Variants in SLC24A2 observed in about 807,000 individuals in gnomAD.
SLC24A2 encodes the protein sodium/potassium/calcium exchanger 2.
In SLC24A2, 36 loss-of-function variants were observed where a neutral mutation model predicts 62.0. The observed-to-expected ratio is 0.58, with a 90% CI of 0.44 to 0.77. The LOEUF (loss-of-function observed/expected upper bound fraction) is 0.77, where lower values mean the gene tolerates loss of function less well. Ranked by LOEUF, SLC24A2 falls within the 30% of genes least tolerant of loss-of-function variation. SLC24A2 has a pLI of 0.00. For missense variants in SLC24A2, 846 were observed against 817.9 expected, an observed-to-expected ratio of 1.03 and a Z score of -0.42; for synonymous variants, 358 against 294.0, an observed-to-expected ratio of 1.22 and a Z score of -2.23.
intron 7 of SLC24A2, among the ~76,000 whole-genome samples, chr9:19,554,643 G>A (rs1834994084): frequency 6.6e-6 from 1 of 152,220 alleles, no homozygotes. Flanking sequence ...GCCAAAGGAT[G>A]TATTGGAAGT....
chr9:19,732,102 C>G (rs1182655), intron 2 of SLC24A2, among the ~76,000 whole-genome samples: 84,193 of 141,048 alleles, frequency 0.6, 23,547 homozygotes, highest in East Asian at 0.85. Flanking sequence ...TTAAAGAACT[C>G]CTTGTTTTGT....
chr9:20,204,991 T>C, the SLC24A2 span, among the ~76,000 whole-genome samples: 1 of 152,014 alleles, frequency 6.6e-6, no homozygotes, highest in Admixed American at 6.6e-5. Flanking sequence ...ATGATCCACC[T>C]CCCTCGTCCT....
upstream of SLC24A2, among the ~76,000 whole-genome samples, chr9:19,789,492 T>C (rs781753743): frequency 3.2e-4 from 48 of 152,302 alleles, no homozygotes; most frequent in Non-Finnish European, 5.3e-4. Flanking sequence ...TTCTTGAGTG[T>C]TGGATTTGGA....
the SLC24A2 span, among the ~76,000 whole-genome samples, chr9:20,242,042 A>G: frequency 6.6e-6 from 1 of 152,120 alleles, no homozygotes; most frequent in Non-Finnish European, 1.5e-5. Context: ...TGTTTTGATC[A>G]TCCTCTCCAC....
chr9:19,671,797 C>A (rs986038704), intron 2 of SLC24A2, among the ~76,000 whole-genome samples: 1 of 148,060 alleles, frequency 6.8e-6, no homozygotes, highest in African/African-American at 2.6e-5. Context: ...GCTTTTCCTG[C>A]ATCTATTGAG....
the SLC24A2 span, among the ~76,000 whole-genome samples, chr9:19,958,848 G>A: frequency 2.6e-5 from 4 of 152,128 alleles, no homozygotes; most frequent in South Asian, 4.1e-4. Flanking sequence ...TTTAATAAAC[G>A]CAAGGTAAAA....
the SLC24A2 span, among the ~76,000 whole-genome samples, chr9:20,179,341 T>G: frequency 0.011 from 1,746 of 152,218 alleles, 11 homozygotes; most frequent in South Asian, 0.062. Context: ...CGCTAGAGAA[T>G]GAGAAGTCCC....
intron 2 of SLC24A2, among the ~76,000 whole-genome samples, chr9:19,679,066 C>T (rs77415023): frequency 0.029 from 4,444 of 152,224 alleles, 136 homozygotes; most frequent in East Asian, 0.09. Flanking sequence ...ATGAGAACAT[C>T]GACTTTTCCA....
At chr9:19,932,418 G>A in the SLC24A2 span, among the ~76,000 whole-genome samples, 2 of 152,140 alleles carry the variant, frequency 1.3e-5, no homozygotes, top group African/African-American at 4.8e-5. Context: ...GCAATATTAT[G>A]AGCCTGAATT....
At chr9:20,057,218 C>A in the SLC24A2 span, among the ~76,000 whole-genome samples, 1 of 152,166 alleles carries the variant, frequency 6.6e-6, no homozygotes, top group Non-Finnish European at 1.5e-5. Context: ...ATAACTATCA[C>A]TTTTTTTAAA....
chr9:19,517,901 T>C (rs980877020), intron 10 of SLC24A2, among the ~76,000 whole-genome samples: 1 of 136,896 alleles, frequency 7.3e-6, no homozygotes, highest in African/African-American at 2.8e-5. Flanking sequence ...CCCATTTTAT[T>C]CTTATTAAAA....
the SLC24A2 span, among the ~76,000 whole-genome samples, chr9:19,820,984 T>C: frequency 6.6e-6 from 1 of 152,130 alleles, no homozygotes; most frequent in Non-Finnish European, 1.5e-5. Flanking sequence ...TCTAAGATGT[T>C]ATATTTTTGA....
the SLC24A2 span, among the ~76,000 whole-genome samples, chr9:20,184,423 C>G: frequency 1.3e-5 from 2 of 151,994 alleles, no homozygotes; most frequent in Admixed American, 6.6e-5. Flanking sequence ...CTGGTGGGCC[C>G]CTGTAATCCC....
chr9:19,988,530 C>T, the SLC24A2 span, among the ~76,000 whole-genome samples: 1 of 152,152 alleles, frequency 6.6e-6, no homozygotes, highest in Admixed American at 6.6e-5. Flanking sequence ...GGTCTGGTGC[C>T]ATTGTTTTTT....
At chr9:20,005,238 C>T in the SLC24A2 span, among the ~76,000 whole-genome samples, 1 of 152,002 alleles carries the variant, frequency 6.6e-6, no homozygotes, top group African/African-American at 2.4e-5. Context: ...TTGGAAAGCC[C>T]TTTTTCATTT....
At chr9:20,082,201 A>G in the SLC24A2 span, among the ~76,000 whole-genome samples, 9 of 152,302 alleles carry the variant, frequency 5.9e-5, no homozygotes, top group African/African-American at 2.2e-4. Flanking sequence ...TAAGAATACA[A>G]ACTTGATACC....
chr9:20,296,429 G>A, the SLC24A2 span, among the ~76,000 whole-genome samples: 1 of 152,164 alleles, frequency 6.6e-6, no homozygotes, highest in African/African-American at 2.4e-5. Context: ...ATTCATTTTA[G>A]ACATTTTTTA....
chr9:19,735,211 C>A (rs572029387), intron 2 of SLC24A2, among the ~76,000 whole-genome samples: 1 of 152,110 alleles, frequency 6.6e-6, no homozygotes, highest in South Asian at 2.1e-4. Flanking sequence ...TGAACAGACA[C>A]TTCTCAAAAG....
the SLC24A2 span, among the ~76,000 whole-genome samples, chr9:20,215,496 T>C: frequency 6.6e-6 from 1 of 152,198 alleles, no homozygotes; most frequent in Non-Finnish European, 1.5e-5. Flanking sequence ...AGTCTAGCTA[T>C]AGCAAACAAA....
Sources: gnomAD v4.1 joint callset for allele counts (sites outside exome capture counted in the v4.1 genomes callset) on GRCh38, gnomAD v4.1.1 for gene constraint, MANE v1.5 for transcripts, NCBI Gene and HGNC (gene_info 2026-07-23, HGNC 2026-07-21) for gene names.